The following MDGA2 variants were observed in gnomAD, a reference collection of about 807,000 sequenced individuals.
The protein encoded by MDGA2 is MAM domain containing glycosylphosphatidylinositol anchor 2.
MDGA2 carries 40 observed loss-of-function variants against 117.8 expected under a neutral mutation model. The ratio of observed to expected loss-of-function variants is 0.34; its 90% CI spans 0.26 to 0.44. The LOEUF is 0.44. Among genes scored for constraint, MDGA2 ranks in the 20% least tolerant of loss-of-function variants. MDGA2 has a pLI of 1.00. For missense variants in MDGA2, 1,123 were observed against 1,250.6 expected (o/e 0.90, Z 1.54); for synonymous variants, 452 against 439.0 (o/e 1.03, Z -0.37).
chr14:47,616,297 A>G (rs987347270), intron 1 of MDGA2, among the ~76,000 whole-genome samples: 5 of 152,222 alleles, frequency 3.3e-5, no homozygotes, highest in African/African-American at 1.2e-4. Context: ...TAAATTAGCC[A>G]ATTAGAAGAG....
intron 7 of MDGA2, among the ~76,000 whole-genome samples, chr14:47,037,034 A>G (rs1384820323): frequency 6.6e-6 from 1 of 152,202 alleles, no homozygotes; most frequent in African/African-American, 2.4e-5. Flanking sequence ...ATAAACCCAA[A>G]TGGGTAATTT....
At chr14:47,329,886 C>T (rs937991201) in intron 1 of MDGA2, among the ~76,000 whole-genome samples, 32 of 151,804 alleles carry the variant, frequency 2.1e-4, no homozygotes, top group African/African-American at 7.5e-4. Flanking sequence ...TAGACGTCAA[C>T]ATTAAAATTT....
chr14:47,552,719 A>G (rs1895606631), intron 1 of MDGA2, among the ~76,000 whole-genome samples: 1 of 152,184 alleles, frequency 6.6e-6, no homozygotes, highest in African/African-American at 2.4e-5. Context: ...AAACCCACCA[A>G]TGGCTTTTTA....
chr14:47,545,769 C>A (rs577233925), intron 1 of MDGA2, among the ~76,000 whole-genome samples: 19 of 152,238 alleles, frequency 1.2e-4, no homozygotes, highest in African/African-American at 4.3e-4. Context: ...GCAGCAGTCT[C>A]ATGTACAGTG....
chr14:46,983,337 TGTG>T (rs1258007944), intron 8 of MDGA2, among the ~76,000 whole-genome samples: 1 of 152,140 alleles, frequency 6.6e-6, no homozygotes. Context: ...TATTTTCTAA[TGTG>T]GTCATATTAT....
chr14:47,242,452 C>T (rs1887075635), intron 2 of MDGA2, among the ~76,000 whole-genome samples: 1 of 151,842 alleles, frequency 6.6e-6, no homozygotes, highest in Non-Finnish European at 1.5e-5. Flanking sequence ...GGGAGAGGCA[C>T]GAGCGGGAAC....
chr14:46,900,206 C>T (rs139928477), intron 10 of MDGA2, among the ~76,000 whole-genome samples: 43 of 152,078 alleles, frequency 2.8e-4, no homozygotes, highest in African/African-American at 8.4e-4. Context: ...ATAGTGAAAA[C>T]GACAAATCCT....
chr14:47,285,753 A>G (rs746316956), intron 2 of MDGA2, among the ~76,000 whole-genome samples: 11 of 152,152 alleles, frequency 7.2e-5, no homozygotes, highest in Non-Finnish European at 1.3e-4. Context: ...TACCTCACGG[A>G]CATAAGTAAA....
intron 1 of MDGA2, among the ~76,000 whole-genome samples, chr14:47,339,692 G>A (rs963854053): frequency 1.3e-5 from 2 of 152,124 alleles, no homozygotes; most frequent in Non-Finnish European, 2.9e-5. Flanking sequence ...CCTCACCAGA[G>A]GCAATTGCTG....
intron 7 of MDGA2, among the ~76,000 whole-genome samples, chr14:47,055,240 T>C (rs1889633379): frequency 6.6e-6 from 1 of 152,108 alleles, no homozygotes; most frequent in Admixed American, 6.6e-5. Flanking sequence ...ATCATTTCTC[T>C]AATTGTCTCT....
intron 3 of MDGA2, 32 bp from the exon 4 acceptor site, chr14:47,144,306 G>A: frequency 9.4e-6 from 14 of 1,492,488 alleles, no homozygotes; most frequent in Non-Finnish European, 1.2e-5. Context: ...AAATGGCAAT[G>A]TTATGAGATA....
At chr14:47,480,680 G>A (rs947845108) in intron 1 of MDGA2, among the ~76,000 whole-genome samples, 1 of 151,750 alleles carries the variant, frequency 6.6e-6, no homozygotes, top group African/African-American at 2.4e-5. Context: ...GAAGAAGAAA[G>A]AATAAACTTA....
intron 4 of MDGA2, among the ~76,000 whole-genome samples, chr14:47,132,194 T>C (rs549452074): frequency 6.6e-6 from 1 of 151,900 alleles, no homozygotes; most frequent in African/African-American, 2.4e-5. Context: ...CAGAGCAGTG[T>C]ACTTAATAAT....
intron 3 of MDGA2, among the ~76,000 whole-genome samples, chr14:47,176,312 T>C (rs1884444259): frequency 6.6e-6 from 1 of 152,118 alleles, no homozygotes; most frequent in Non-Finnish European, 1.5e-5. Flanking sequence ...TTAAAGTTCA[T>C]ATGGAACCAA....
At position 46,957,354 on chromosome 14, in the gene MDGA2, G is replaced by GA; in HGVS notation, c.2089+19dup. On this transcript the variant is annotated intron_variant, in intron 9 of 16. Coordinates refer to ENST00000399232, the MANE Select transcript of MDGA2 (RefSeq NM_001113498.3). ...TCTAATAAAACAAAATGTATAAAAA[G>GA]AAAATATCTGGAATCCTACCTGTAA... 1 of 1,603,094 alleles carries GA rather than the reference G, an allele frequency of 6.2e-7. No homozygotes were observed. The highest frequency in any genetic ancestry group is 8.5e-7 in the Non-Finnish European group (1 of 1,175,390).
rs534914976 is a variant in MDGA2, at chr14:47,595,642, A to C, written c.280+78875T>G. 2.0e-5 allele frequency among the ~76,000 whole-genome samples: 3 copies of C among 152,144 alleles called. No individual in the cohort carries two copies. In the South Asian group the frequency reaches 6.2e-4, roughly 32 times the overall value. ...CGAAGTGAAGGATTCACTGAAGGAC[A>C]TGACAGCATAATGAAGTGAGAGGCA... On this transcript the variant is annotated intron_variant, in intron 1 of 16. Coordinates refer to ENST00000399232, the MANE Select transcript of MDGA2 (RefSeq NM_001113498.3).
intron 7 of MDGA2, among the ~76,000 whole-genome samples, chr14:47,038,404 A>G (rs1216115952): frequency 1.3e-5 from 2 of 152,184 alleles, no homozygotes; most frequent in Non-Finnish European, 2.9e-5. Context: ...AGACCGTTCA[A>G]ATCACAATAG....
In MDGA2 at chr14:47,540,540, G is replaced by GTGTGTGTA; in HGVS notation, c.280+133976_280+133977insTACACACA. Among the ~76,000 whole-genome samples, 64 of 79,216 alleles carry GTGTGTGTA rather than the reference G, an allele frequency of 8.1e-4. 1 individual carries two copies. The East Asian group carries it at 0.015, about 18-fold the overall frequency. 52.0% of individuals were successfully genotyped at this position (79,216 alleles called of 152,430 possible). ...TGTATATGTGTGTGTGTGTGTGTGT[G>GTGTGTGTA]TATATATATATATGTATATATATAC... On this transcript the variant is annotated intron_variant, in intron 1 of 16. Coordinates refer to ENST00000399232, the MANE Select transcript of MDGA2 (RefSeq NM_001113498.3).
At chr14:46,854,689 CATT>C (rs1881194567) in intron 15 of MDGA2, among the ~76,000 whole-genome samples, 1 of 151,348 alleles carries the variant, frequency 6.6e-6, no homozygotes. Flanking sequence ...TACCAAGTTC[CATT>C]ATTATAGAAA....
Sources: gnomAD v4.1 joint callset for allele counts (sites outside exome capture counted in the v4.1 genomes callset) on GRCh38, gnomAD v4.1.1 for gene constraint, MANE v1.5 for transcripts, NCBI Gene and HGNC (gene_info 2026-07-23, HGNC 2026-07-21) for gene names.